RMI1: variants seen among roughly 807,000 people sequenced by gnomAD.
The protein encoded by RMI1 is recQ-mediated genome instability protein 1.
A neutral mutation model predicts 46.7 loss-of-function variants in RMI1; 36 were observed. The ratio of observed to expected loss-of-function variants is 0.77; its 90% confidence interval spans 0.59 to 1.02. RMI1 has a LOEUF of 1.02. RMI1 is among the 50% of genes least tolerant of loss of function. The pLI, the probability that RMI1 is intolerant of heterozygous loss-of-function variation, is 0.00. For missense variants in RMI1, 676 were observed against 713.7 expected (o/e 0.95, Z 0.60); for synonymous variants, 250 against 252.9 (o/e 0.99, Z 0.11).
chr9:83,989,470 A>C (rs926981178), intron 1 of RMI1, among the ~76,000 whole-genome samples: 7 of 152,212 alleles, frequency 4.6e-5, no homozygotes, highest in African/African-American at 1.7e-4. Context: ...ATATATAAGG[A>C]GCTGAAACAA....
intron 1 of RMI1, among the ~76,000 whole-genome samples, chr9:83,990,232 A>G (rs1957549729): frequency 2.0e-5 from 3 of 152,294 alleles, no homozygotes; most frequent in Non-Finnish European, 4.4e-5. Flanking sequence ...AAATACAGTT[A>G]GAGGCCGGGC....
intron 1 of RMI1, among the ~76,000 whole-genome samples, chr9:83,989,037 T>G (rs979741747): frequency 3.9e-5 from 6 of 152,108 alleles, no homozygotes; most frequent in African/African-American, 1.4e-4. Context: ...TGTTTATATT[T>G]TTGTAGAGAC....
rs752745828 is a variant in RMI1, at chr9:84,002,724, A to T, written c.1738A>T (p.Lys580Ter). The T allele has an allele frequency of 1.2e-6, 2 of 1,613,974 alleles. No individual in the cohort carries two copies. Among genetic ancestry groups the T allele is most frequent in the South Asian group, 2.2e-5 (2 of 91,076 alleles). ...QYQKFLEGLQ[K>*]CQRDLIDLCC... ...CCAAAAGTTCCTGGAAGGGTTGCAGAAATGTCAAAGAGATCTAATAGATTT... is the reference window on the plus strand; with the variant it reads ...CCAAAAGTTCCTGGAAGGGTTGCAGTAATGTCAAAGAGATCTAATAGATTT... Residue 580 changes from lysine (K) to a stop codon, truncating the protein, a stop_gained, in exon 3 of 3, where the codon AAA (lysine) becomes TAA (stop). Coordinates refer to ENST00000445877, the MANE Select transcript of RMI1 (RefSeq NM_001358291.2). LOFTEE classifies it high-confidence loss of function.
chr9:84,000,760 G>A lies in RMI1; in HGVS notation c.-36-191G>A, dbSNP rs1957725116. Among the ~76,000 whole-genome samples, 3 of 152,050 alleles carry A rather than the reference G, an allele frequency of 2.0e-5. No individual in the cohort carries two copies. The South Asian group carries it at 6.2e-4, about 31-fold the overall frequency. ...TGACAGAGCCAGCTTTCAAACCTAG[G>A]TATAGCTGTCTCAAACCTTTTGATT... On this transcript the variant is annotated intron_variant, in intron 2 of 2. Coordinates refer to ENST00000445877, the MANE Select transcript of RMI1 (RefSeq NM_001358291.2).
At chr9:83,989,599 CAG>C in intron 1 of RMI1, among the ~76,000 whole-genome samples, 1 of 150,030 alleles carries the variant, frequency 6.7e-6, no homozygotes, top group East Asian at 1.9e-4. Context: ...CATCGTGAAT[CAG>C]GGAAATGCAA....
intron 1 of RMI1, among the ~76,000 whole-genome samples, chr9:83,981,398 C>G (rs554140293): frequency 2.6e-3 from 395 of 152,368 alleles, no homozygotes; most frequent in Non-Finnish European, 3.8e-3. Flanking sequence ...TTCAAAGCGC[C>G]TGCCTTGTGG....
chr9:83,989,210 G>GT (rs1957532657), intron 1 of RMI1, among the ~76,000 whole-genome samples: 1 of 152,014 alleles, frequency 6.6e-6, no homozygotes, highest in African/African-American at 2.4e-5. Context: ...ATACTTAAAT[G>GT]TAAGACCTGA....
intron 1 of RMI1, among the ~76,000 whole-genome samples, chr9:83,996,874 C>A (rs1291115089): frequency 6.6e-6 from 1 of 151,734 alleles, no homozygotes; most frequent in African/African-American, 2.4e-5. Context: ...GGAGAAGGTG[C>A]CACACACTTT....
At chr9:83,991,130 T>A (rs1285598402) in intron 1 of RMI1, among the ~76,000 whole-genome samples, 1 of 152,210 alleles carries the variant, frequency 6.6e-6, no homozygotes, top group Non-Finnish European at 1.5e-5. Context: ...TTACTGAATT[T>A]TAAAAATTCT....
chr9:83,990,801 TTTTA>T (rs969390982), intron 1 of RMI1, among the ~76,000 whole-genome samples: 18 of 151,954 alleles, frequency 1.2e-4, no homozygotes, highest in African/African-American at 3.9e-4. Context: ...CTTTCTTTCT[TTTTA>T]TTTATTTATT....
intron 1 of RMI1, among the ~76,000 whole-genome samples, chr9:83,997,222 C>T (rs1177068514): frequency 6.6e-6 from 1 of 150,852 alleles, no homozygotes; most frequent in Non-Finnish European, 1.5e-5. Context: ...GGCAATTCTC[C>T]TGCCTCAGCC....
upstream of RMI1, chr9:83,980,736 A>C (rs1398502311): frequency 6.6e-6 from 1 of 152,258 alleles, no homozygotes; most frequent in East Asian, 1.9e-4. Context: ...TCCAGCCCCG[A>C]AGGAGTCCTT....
At chr9:84,000,544 T>C (rs1322911389) in intron 2 of RMI1, among the ~76,000 whole-genome samples, 1 of 152,216 alleles carries the variant, frequency 6.6e-6, no homozygotes, top group African/African-American at 2.4e-5. Context: ...ATATTCCCCA[T>C]AGATAAGGGA....
In RMI1 at chr9:84,002,941, T is replaced by C. The variant is rs1957761959; in HGVS notation, c.*77T>C. On this transcript the variant is annotated 3_prime_UTR_variant, in exon 3 of 3. Transcript: ENST00000445877. ...AATTTGTTCACAATTTTACTTATGA[T>C]ACTTTGTGTAAAAAGGAAAAATGAA... is the stretch of plus-strand genomic sequence containing the variant. 1.1e-6 allele frequency: 1 copy of C among 886,002 alleles called. No homozygotes were observed. The allele number at this position is 886,002 out of a possible 1,614,324, so 54.9% of individuals were successfully genotyped here.
At position 84,002,930 on chromosome 9, in the gene RMI1, T is replaced by G; in HGVS notation, c.*66T>G. 1.0e-6 allele frequency: 1 copy of G among 990,436 alleles called. No homozygotes were observed. Among genetic ancestry groups the G allele is most frequent in the Non-Finnish European group, 1.4e-6 (1 of 691,452 alleles). The allele number at this position is 990,436 out of a possible 1,614,324, so 61.4% of individuals were successfully genotyped here. A position where few individuals can be genotyped will look rare whatever the true frequency, so the allele number is the denominator to read the frequency against. On this transcript the variant is annotated 3_prime_UTR_variant, in exon 3 of 3. Coordinates refer to ENST00000445877, the MANE Select transcript of RMI1 (RefSeq NM_001358291.2). Reference sequence around the variant, plus strand: ...GAAATATTTAGAATTTGTTCACAATTTTACTTATGATACTTTGTGTAAAAA... The same window carrying G: ...GAAATATTTAGAATTTGTTCACAATGTTACTTATGATACTTTGTGTAAAAA...
Position 84,001,311 on chromosome 9 carries a change from A to G in RMI1, c.325A>G (p.Lys109Glu). Residue 109 changes from lysine (K) to glutamate (E), a missense_variant, in exon 3 of 3, where the codon AAG becomes GAG. Transcript: ENST00000445877. Reference protein sequence around the residue: ...AYSQIQKLRGKNTTNDLVTAE... With the variant: ...AYSQIQKLRGENTTNDLVTAE... ...CTCCCAGATACAGAAGTTGAGAGGA[A>G]AGAATACAACAAATGATCTAGTTAC... 1.9e-6 allele frequency: 3 copies of G among 1,614,172 alleles called. No homozygotes were observed. The highest frequency in any genetic ancestry group is 2.5e-6 in the Non-Finnish European group (3 of 1,180,004).
chr9:83,994,435 T>A (rs1564082312), intron 1 of RMI1, among the ~76,000 whole-genome samples: 1 of 152,244 alleles, frequency 6.6e-6, no homozygotes, highest in Non-Finnish European at 1.5e-5. Flanking sequence ...TTTCAGGTGC[T>A]ACCTTTAGAC....
At chr9:83,998,922 C>G (rs1436454602) in intron 1 of RMI1, among the ~76,000 whole-genome samples, 1 of 152,124 alleles carries the variant, frequency 6.6e-6, no homozygotes, top group African/African-American at 2.4e-5. Flanking sequence ...GGGCAGATCA[C>G]TTGAGGTCAG....
chr9:83,991,199 G>A (rs1458390932), intron 1 of RMI1, among the ~76,000 whole-genome samples: 1 of 152,020 alleles, frequency 6.6e-6, no homozygotes, highest in Non-Finnish European at 1.5e-5. Flanking sequence ...TAATATGCAT[G>A]TGTGTGTGTC....
Sources: allele counts gnomAD v4.1 joint callset (sites outside exome capture counted in the v4.1 genomes callset), GRCh38; gene constraint gnomAD v4.1.1; transcripts MANE v1.5; gene names NCBI Gene and HGNC (gene_info 2026-07-23, HGNC 2026-07-21).